The following DPH6 variants were observed in gnomAD, a reference collection of about 807,000 sequenced individuals.
DPH6 encodes diphthamine biosynthesis 6, also known as diphthine--ammonia ligase.
A neutral mutation model predicts 38.2 loss-of-function variants in DPH6; 33 were observed. The observed-to-expected ratio is 0.86, with a 90% CI of 0.65 to 1.15. DPH6 has a LOEUF of 1.15. Ranked by LOEUF, DPH6 falls within the 50% of genes most tolerant of loss-of-function variation. The pLI is 0.00. For synonymous variants in DPH6, 108 were observed against 103.0 expected (o/e 1.05, Z -0.30); for missense variants, 325 against 320.0 (o/e 1.02, Z -0.12).
At chr15:35,315,914 T>C (rs1371897336) in intron 3 of DPH6, among the ~76,000 whole-genome samples, 1 of 152,138 alleles carries the variant, frequency 6.6e-6, no homozygotes, top group Non-Finnish European at 1.5e-5. Flanking sequence ...TGGAAGTCAC[T>C]ACATTAAGTG....
At chr15:35,465,800 A>G (rs1318997107) in intron 3 of DPH6, among the ~76,000 whole-genome samples, 2 of 152,302 alleles carry the variant, frequency 1.3e-5, no homozygotes, top group East Asian at 3.9e-4. Context: ...GTGGGCTTTC[A>G]TTAAATAGGG....
At chr15:35,440,518 A>G (rs1023712008) in intron 5 of DPH6, among the ~76,000 whole-genome samples, 8 of 152,200 alleles carry the variant, frequency 5.3e-5, no homozygotes, top group Non-Finnish European at 1.0e-4. Context: ...TCTGAGGGAG[A>G]TCTGATTCTG....
intron 3 of DPH6, among the ~76,000 whole-genome samples, chr15:35,274,634 TGAAA>T (rs1319140859): frequency 6.6e-6 from 1 of 151,432 alleles, no homozygotes; most frequent in Non-Finnish European, 1.5e-5. Context: ...AACAAACATA[TGAAA>T]GAAAGCTCAT....
At chr15:35,155,293 T>C in the DPH6 span, among the ~76,000 whole-genome samples, 1 of 152,228 alleles carries the variant, frequency 6.6e-6, no homozygotes, top group Non-Finnish European at 1.5e-5. Flanking sequence ...CAGATTTTCT[T>C]TTACCTTGTA....
chr15:35,175,824 T>C, the DPH6 span, among the ~76,000 whole-genome samples: 1 of 152,138 alleles, frequency 6.6e-6, no homozygotes, highest in Non-Finnish European at 1.5e-5. Flanking sequence ...AAAGATGAAA[T>C]AGTGAAGCTT....
At chr15:35,345,544 CTA>C (rs1461858909) in intron 3 of DPH6, among the ~76,000 whole-genome samples, 1 of 151,826 alleles carries the variant, frequency 6.6e-6, no homozygotes, top group East Asian at 1.9e-4. Context: ...AGGTAATTGA[CTA>C]ATTTTCATGT....
intron 3 of DPH6, among the ~76,000 whole-genome samples, chr15:35,280,873 C>A (rs2051894204): frequency 6.6e-6 from 1 of 152,116 alleles, no homozygotes; most frequent in African/African-American, 2.4e-5. Context: ...TCATCTAGAT[C>A]ATTGTTGGAC....
intron 3 of DPH6, among the ~76,000 whole-genome samples, chr15:35,515,382 C>T (rs2054831133): frequency 6.6e-6 from 1 of 151,808 alleles, no homozygotes; most frequent in African/African-American, 2.4e-5. Context: ...TCCTTGAGGC[C>T]AGAGGTTCGT....
At chr15:35,489,848 AAG>A (rs1192039431) in intron 3 of DPH6, 44 of 972,222 alleles carry the variant, frequency 4.5e-5, no homozygotes, top group South Asian at 1.4e-4. Context: ...GAATATTAAT[AAG>A]AGTTACCTGG....
At chr15:35,432,059 T>A (rs980556120) in intron 5 of DPH6, among the ~76,000 whole-genome samples, 2 of 152,126 alleles carry the variant, frequency 1.3e-5, no homozygotes, top group African/African-American at 4.8e-5. Flanking sequence ...ATAATAAATA[T>A]GTATTCAAAG....
chr15:35,340,347 T>C (rs1470744646), intron 3 of DPH6, among the ~76,000 whole-genome samples: 2 of 152,218 alleles, frequency 1.3e-5, no homozygotes, highest in South Asian at 2.1e-4. Flanking sequence ...CCATTCTGTG[T>C]CTTTAAATTA....
chr15:35,256,405 T>C (rs2051708487), intron 3 of DPH6, among the ~76,000 whole-genome samples: 1 of 152,140 alleles, frequency 6.6e-6, no homozygotes, highest in African/African-American at 2.4e-5. Context: ...TTTTCTAATG[T>C]TTTTCTCATG....
At chr15:35,434,477 A>G (rs1378894068) in intron 5 of DPH6, among the ~76,000 whole-genome samples, 1 of 152,202 alleles carries the variant, frequency 6.6e-6, no homozygotes, top group East Asian at 1.9e-4. Flanking sequence ...ATAAGTAGAA[A>G]AATTAAGAAA....
At chr15:35,485,607 T>C (rs1183732882) in intron 3 of DPH6, among the ~76,000 whole-genome samples, 1 of 152,224 alleles carries the variant, frequency 6.6e-6, no homozygotes, top group African/African-American at 2.4e-5. Context: ...ATGCCTTCAT[T>C]AGTCACTGAT....
the DPH6 span, among the ~76,000 whole-genome samples, chr15:35,200,623 T>C: frequency 6.6e-6 from 1 of 152,056 alleles, no homozygotes; most frequent in South Asian, 2.1e-4. Context: ...GTGTGCTCCC[T>C]GCTTCCAGTT....
At chr15:35,439,178 T>C (rs1285132557) in intron 5 of DPH6, among the ~76,000 whole-genome samples, 1 of 152,224 alleles carries the variant, frequency 6.6e-6, no homozygotes, top group African/African-American at 2.4e-5. Context: ...TATTAATAGC[T>C]GAAATGTTGA....
chr15:35,160,130 A>G, the DPH6 span, among the ~76,000 whole-genome samples: 9 of 151,986 alleles, frequency 5.9e-5, no homozygotes, highest in Non-Finnish European at 1.2e-4. Context: ...ATCGTACTCA[A>G]CATCATGCAA....
intron 3 of DPH6, among the ~76,000 whole-genome samples, chr15:35,514,996 T>C (rs1426980691): frequency 6.6e-6 from 1 of 152,184 alleles, no homozygotes; most frequent in East Asian, 1.9e-4. Context: ...TTATGACTAA[T>C]ACATAGCAGT....
intron 3 of DPH6, among the ~76,000 whole-genome samples, chr15:35,483,237 G>A (rs745408130): frequency 4.6e-5 from 7 of 151,842 alleles, no homozygotes; most frequent in African/African-American, 1.2e-4. Flanking sequence ...GTGCTGAGGC[G>A]GGTGGATCAT....
Sources: allele counts gnomAD v4.1 joint callset (sites outside exome capture counted in the v4.1 genomes callset), GRCh38; gene constraint gnomAD v4.1.1; transcripts MANE v1.5; gene names NCBI Gene and HGNC (gene_info 2026-07-23, HGNC 2026-07-21).